Variants in CFAP61 observed in about 807,000 individuals in gnomAD.
The protein encoded by CFAP61 is cilia and flagella associated protein 61.
CFAP61 carries 107 observed loss-of-function variants against 135.6 expected under a neutral mutation model. That is an observed-to-expected ratio of 0.79 (90% CI 0.67 to 0.93). The LOEUF (loss-of-function observed/expected upper bound fraction) is 0.93. Among genes scored for constraint, CFAP61 ranks in the 40% least tolerant of loss-of-function variants. The pLI is 0.00. For synonymous variants in CFAP61, 575 were observed against 578.5 expected, an observed-to-expected ratio of 0.99 and a Z score of 0.09; for missense variants, 1,507 against 1,556.2, an observed-to-expected ratio of 0.97 and a Z score of 0.53.
chr20:20,330,035 G>T (rs2122300679), intron 25 of CFAP61, among the ~76,000 whole-genome samples: 1 of 152,308 alleles, frequency 6.6e-6, no homozygotes, highest in Admixed American at 6.5e-5. Context: ...ACAGGAGGCG[G>T]TCAACAGACT....
At chr20:20,225,338 C>T (rs1770443768) in intron 17 of CFAP61, 1 of 152,162 alleles carries the variant, frequency 6.6e-6, no homozygotes. Context: ...TAATTAAAAC[C>T]TGGGCACAAA....
intron 8 of CFAP61, among the ~76,000 whole-genome samples, chr20:20,123,929 C>T (rs1052152670): frequency 2.1e-5 from 3 of 140,076 alleles, no homozygotes; most frequent in African/African-American, 8.0e-5. Flanking sequence ...TTGTAGTTTC[C>T]TTGTAGAGGC....
At chr20:20,103,626 A>G (rs978026191) in intron 8 of CFAP61, among the ~76,000 whole-genome samples, 1 of 152,206 alleles carries the variant, frequency 6.6e-6, no homozygotes, top group African/African-American at 2.4e-5. Flanking sequence ...AACTTATTGA[A>G]TACATATCAA....
In CFAP61 at chr20:20,359,404, C is replaced by T. The variant is rs1403244874; in HGVS notation, c.3514-806C>T. Among the ~76,000 whole-genome samples the T allele has an allele frequency of 6.6e-6, 1 of 151,956 alleles. No homozygotes were observed. The highest frequency in any genetic ancestry group is 1.9e-4 in the East Asian group (1 of 5,198). On this transcript the variant is annotated intron_variant, in intron 26 of 26. Transcript: ENST00000245957. The surrounding 1 kb of genome is among the most constrained non-coding windows in gnomAD (Gnocchi z 4.0). ...CAGAGGCAGGGCGTGGTGGCTCATG[C>T]CTGTAATCCCAGCACTTTGGGAGGC...
chr20:20,277,323 G>T lies in CFAP61; in HGVS notation c.2661G>T (p.Ala887=). Residue 887 remains alanine (A), a synonymous_variant, in exon 22 of 27, where the codon GCG becomes GCT. Transcript: ENST00000245957. The part of the protein sequence containing the change: ...INNYSVESAV[A]DALGAAGVTM... ...ACTACTCGGTGGAGAGCGCCGTGGC[G>T]GACGCGCTAGGAGCCGCCGGAGTCA... 1 of 1,614,140 alleles carries T rather than the reference G, an allele frequency of 6.2e-7. No homozygotes were observed. Among genetic ancestry groups the T allele is most frequent in the East Asian group, 2.2e-5 (1 of 44,864 alleles).
chr20:20,251,712 C>G lies in CFAP61; in HGVS notation c.2277C>G (p.Asp759Glu). The G allele has an allele frequency of 6.2e-7, 1 of 1,614,082 alleles. No homozygotes were observed. The highest frequency in any genetic ancestry group is 8.5e-7 in the Non-Finnish European group (1 of 1,180,026). Residue 759 changes from aspartate to glutamate, a missense_variant, in exon 20 of 27, where the codon GAC (aspartate) becomes GAG (glutamate). Transcript: ENST00000245957. ...CCAAGCACGTTGTGCTTTCCACGGA[C>G]GAGATCGTGCCCTACGACCACCTCA... ...RAAKHVVLST[D>E]EIVPYDHLIL...
At chr20:20,111,349 A>G (rs2146670000) in intron 8 of CFAP61, among the ~76,000 whole-genome samples, 1 of 152,280 alleles carries the variant, frequency 6.6e-6, no homozygotes, top group South Asian at 2.1e-4. Context: ...TATAATGCCT[A>G]TAGATTTGGA....
chr20:20,144,549 C>G (rs1183042885), intron 9 of CFAP61, among the ~76,000 whole-genome samples: 1 of 151,420 alleles, frequency 6.6e-6, no homozygotes, highest in Non-Finnish European at 1.5e-5. Flanking sequence ...GGGACAACTT[C>G]AGAGACCTAA....
chr20:20,075,310 T>C (rs569599145), intron 5 of CFAP61, 54 bp downstream of exon 5: 1 of 1,574,490 alleles, frequency 6.4e-7, no homozygotes, highest in East Asian at 2.2e-5. Context: ...GAAAATTCAC[T>C]CCCAGAATGG....
rs557158017 is a variant in CFAP61 at position 20,077,095 on chromosome 20, C to T, written c.566+1480C>T. 7.9e-5 allele frequency among the ~76,000 whole-genome samples: 12 copies of T among 152,222 alleles called. No homozygotes were observed. The South Asian group carries it at 1.5e-3, about 18-fold the overall frequency. On this transcript the variant is annotated intron_variant, in intron 6 of 26. Transcript: ENST00000245957. ...AACTGTCATGTTGGTAGCTGAGAAGCGGGATGCACAGACAGAGATGAAGAC... is the reference window on the plus strand; with the variant it reads ...AACTGTCATGTTGGTAGCTGAGAAGTGGGATGCACAGACAGAGATGAAGAC...
chr20:20,189,263 T>C (rs1314943738), intron 14 of CFAP61, among the ~76,000 whole-genome samples: 1 of 152,194 alleles, frequency 6.6e-6, no homozygotes, highest in Non-Finnish European at 1.5e-5. Context: ...TGGTTTGCTT[T>C]GGTTTGTCTT....
chr20:20,251,484 G>A, intron 19 of CFAP61, 111 bp from the exon 20 acceptor site: 1 of 957,372 alleles, frequency 1.0e-6, no homozygotes, highest in Middle Eastern at 2.2e-4. Flanking sequence ...TAAACTCACA[G>A]CAAGAGCACG....
At chr20:20,170,214 T>A (rs2054126235) in intron 13 of CFAP61, among the ~76,000 whole-genome samples, 2 of 152,298 alleles carry the variant, frequency 1.3e-5, no homozygotes, top group African/African-American at 4.8e-5. Context: ...AAGATTGACC[T>A]TTATCCTGTC....
chr20:20,144,856 A>G (rs919927984), intron 9 of CFAP61, among the ~76,000 whole-genome samples: 6 of 152,202 alleles, frequency 3.9e-5, no homozygotes, highest in African/African-American at 1.2e-4. Flanking sequence ...TAATACAAGC[A>G]GAAAGATAGT....
At position 20,324,899 on chromosome 20, in the gene CFAP61, T is replaced by C. The variant is rs894027613; in HGVS notation, c.3423-16932T>C. 2.0e-5 allele frequency among the ~76,000 whole-genome samples: 3 copies of C among 152,248 alleles called. No individual in the cohort carries two copies. In the East Asian group the frequency reaches 5.8e-4, roughly 29 times the overall value. ...GCCCATTTTTAATTAGGTTGCCTGT[T>C]TCTTTTTCATTTATGAGAATTTATT... On this transcript the variant is annotated intron_variant, in intron 25 of 26. Coordinates refer to ENST00000245957, the MANE Select transcript of CFAP61 (RefSeq NM_015585.4).
At chr20:20,093,229 A>G (rs929513358) in intron 7 of CFAP61, among the ~76,000 whole-genome samples, 4 of 152,192 alleles carry the variant, frequency 2.6e-5, no homozygotes, top group Non-Finnish European at 5.9e-5. Context: ...CACGTATTGT[A>G]TGATGGCATT....
chr20:20,300,379 T>G (rs1450593420), intron 25 of CFAP61, among the ~76,000 whole-genome samples: 2 of 152,164 alleles, frequency 1.3e-5, no homozygotes, highest in African/African-American at 4.8e-5. Flanking sequence ...GCTCCACGTG[T>G]GTTATTGCCT....
chr20:20,075,367 A>G, intron 5 of CFAP61, 111 bp downstream of exon 5: 1 of 1,434,142 alleles, frequency 7.0e-7, no homozygotes, highest in Non-Finnish European at 9.8e-7. Context: ...TCCTCAATGT[A>G]CCATGTGCAT....
Position 20,060,025 on chromosome 20 carries a change from A to T in CFAP61, c.143+3229A>T, listed in dbSNP as rs570533277. 3.3e-5 allele frequency among the ~76,000 whole-genome samples: 5 copies of T among 152,254 alleles called. No homozygotes were observed. In the South Asian group the frequency reaches 1.0e-3, roughly 32 times the overall value. On this transcript the variant is annotated intron_variant, in intron 2 of 26. Coordinates refer to ENST00000245957, the MANE Select transcript of CFAP61 (RefSeq NM_015585.4). ...GAGAAATCCCAACTGTACCCATCATAATGAAACAGCAAAACACTCCAGTTA... is the reference window on the plus strand; with the variant it reads ...GAGAAATCCCAACTGTACCCATCATTATGAAACAGCAAAACACTCCAGTTA...
Sources: gnomAD v4.1 joint callset for allele counts (sites outside exome capture counted in the v4.1 genomes callset) on GRCh38, gnomAD v4.1.1 for gene constraint, Gnocchi (gnomAD v3.1) non-coding constraint, MANE v1.5 for transcripts, NCBI Gene and HGNC (gene_info 2026-07-23, HGNC 2026-07-21) for gene names.